The following CAMSAP2 variants were observed in gnomAD, a reference collection of about 807,000 sequenced individuals.
CAMSAP2 encodes the protein calmodulin regulated spectrin associated protein family member 2, also known as calmodulin-regulated spectrin-associated protein 2.
A neutral mutation model predicts 146.1 loss-of-function variants in CAMSAP2; 26 were observed. The ratio of observed to expected loss-of-function variants is 0.18; its 90% confidence interval spans 0.13 to 0.25. The LOEUF (loss-of-function observed/expected upper bound fraction) is 0.25, where lower values mean the gene tolerates loss of function less well. CAMSAP2 is among the 10% of genes least tolerant of loss of function. The pLI, the probability that CAMSAP2 is intolerant of heterozygous loss-of-function variation, is 1.00. For missense variants in CAMSAP2, 1,381 were observed against 1,759.3 expected (o/e 0.78, Z 3.85); for synonymous variants, 499 against 596.6 (o/e 0.84, Z 2.38).
At chr1:200,758,812 C>T (rs1664718406) in intron 1 of CAMSAP2, among the ~76,000 whole-genome samples, 1 of 152,110 alleles carries the variant, frequency 6.6e-6, no homozygotes, top group Admixed American at 6.5e-5. Context: ...CATCTTGACC[C>T]TCTTTCTTTG....
At chr1:200,833,575 A>G (rs1667100084) in intron 6 of CAMSAP2, among the ~76,000 whole-genome samples, 1 of 152,154 alleles carries the variant, frequency 6.6e-6, no homozygotes. Context: ...AAGAAAAAAA[A>G]AAGTCATGTA....
chr1:200,859,814 T>G lies in CAMSAP2; in HGVS notation c.*1755T>G, dbSNP rs1667835919. ...TATCACAGTTAGAAGGAAATGATAG[T>G]CAAATACACGTTTAGATTAAAACTA... On this transcript the variant is annotated 3_prime_UTR_variant, in exon 17 of 17. Coordinates refer to ENST00000358823, the MANE Select transcript of CAMSAP2 (RefSeq NM_203459.4). 6.6e-6 allele frequency: 1 copy of G among 152,384 alleles called. No individual in the cohort carries two copies. Among genetic ancestry groups the G allele is most frequent in the East Asian group, 1.9e-4 (1 of 5,314 alleles). 9.4% of individuals were successfully genotyped at this position (152,384 alleles called of 1,614,324 possible). A position where few individuals can be genotyped will look rare whatever the true frequency, so the allele number is the denominator to read the frequency against.
In CAMSAP2 at chr1:200,816,784, ATG is replaced by A. The variant is rs1245175326; in HGVS notation, c.645+1146_645+1147del. Among the ~76,000 whole-genome samples, 8 of 112,124 alleles carry A rather than the reference ATG, an allele frequency of 7.1e-5. 3 individuals carry two copies. Among genetic ancestry groups the A allele is most frequent in the African/African-American group, 2.8e-4 (8 of 28,428 alleles). 73.6% of individuals were successfully genotyped at this position (112,124 alleles called of 152,430 possible). A position where few individuals can be genotyped will look rare whatever the true frequency, so the allele number is the denominator to read the frequency against. On this transcript the variant is annotated intron_variant, in intron 4 of 16. Coordinates refer to ENST00000358823, the MANE Select transcript of CAMSAP2 (RefSeq NM_203459.4). ...TGTGTACACACACACGCGTGTATAT[ATG>A]TGTGTACACACACACGCGTGTATAT...
intron 7 of CAMSAP2, among the ~76,000 whole-genome samples, chr1:200,842,975 C>CAA (rs1210360243): frequency 4.5e-5 from 3 of 66,972 alleles, no homozygotes; most frequent in African/African-American, 1.2e-4. Context: ...GACACCATCT[C>CAA]AAAAAAAAAA....
chr1:200,751,196 C>T lies in CAMSAP2; in HGVS notation c.140-9643C>T, dbSNP rs146404541. Among the ~76,000 whole-genome samples the T allele has an allele frequency of 2.0e-3, 303 of 151,856 alleles. 1 individual carries two copies. Among genetic ancestry groups the T allele is most frequent in the African/African-American group, 7.0e-3 (292 of 41,422 alleles). On this transcript the variant is annotated intron_variant, in intron 1 of 16. Coordinates refer to ENST00000358823, the MANE Select transcript of CAMSAP2 (RefSeq NM_203459.4). ...GGGATTATAGGCATGAGCCGCCATA[C>T]CCAGCAATGTATATATAACGTGTGT...
rs1667058076 is a variant in CAMSAP2 at position 200,832,139 on chromosome 1, A to G, written c.646-61A>G. 2.2e-6 allele frequency: 3 copies of G among 1,365,558 alleles called. No homozygotes were observed. The highest frequency in any genetic ancestry group is 2.9e-5 in the African/African-American group (2 of 67,886). 84.6% of individuals were successfully genotyped at this position (1,365,558 alleles called of 1,614,324 possible). ...TGGTACATTAGAATTTACAGTACTG[A>G]TTTTTTTCCTATGCGTTATTTGGTA... On this transcript the variant is annotated intron_variant, in intron 4 of 16. Transcript: ENST00000358823. The surrounding 1 kb of genome is among the most constrained non-coding windows in gnomAD (Gnocchi z 4.2).
chr1:200,772,329 C>A (rs1398095527), intron 2 of CAMSAP2, among the ~76,000 whole-genome samples: 1 of 152,148 alleles, frequency 6.6e-6, no homozygotes, highest in Non-Finnish European at 1.5e-5. Context: ...CTAATGTAGG[C>A]TGGGCACAGT....
At position 200,806,743 on chromosome 1, in the gene CAMSAP2, TTG is replaced by T. The variant is rs138066870; in HGVS notation, c.400-611_400-610del. ...TGTTTTTTTTAGAACTTCCATATAA[TTG>T]TGTGTGTGTGTGTGTGTGTGTATCT... is the stretch of plus-strand genomic sequence containing the variant. On this transcript the variant is annotated intron_variant, in intron 2 of 16. Transcript: ENST00000358823. Among the ~76,000 whole-genome samples the T allele has an allele frequency of 6.8e-3, 987 of 145,084 alleles. 8 individuals carry two copies. The highest frequency in any genetic ancestry group is 0.014 in the Middle Eastern group (4 of 292).
chr1:200,824,602 C>T (rs1266779568), intron 4 of CAMSAP2, among the ~76,000 whole-genome samples: 1 of 152,132 alleles, frequency 6.6e-6, no homozygotes, highest in Non-Finnish European at 1.5e-5. Context: ...CTTCCAACAG[C>T]ATTAATATAT....
intron 1 of CAMSAP2, among the ~76,000 whole-genome samples, chr1:200,754,893 T>C (rs1300746352): frequency 2.6e-5 from 4 of 152,184 alleles, no homozygotes; most frequent in African/African-American, 9.7e-5. Context: ...AAAGAGCTTT[T>C]TTAATGTATT....
chr1:200,857,493 A>G lies in CAMSAP2; in HGVS notation c.4131+69A>G. ...GTCTTTTATCCATTCAAGAGAATGTACTCTCATGGGCCTAGACTTTCAACA... is the reference window on the plus strand; with the variant it reads ...GTCTTTTATCCATTCAAGAGAATGTGCTCTCATGGGCCTAGACTTTCAACA... On this transcript the variant is annotated intron_variant, in intron 16 of 16. Transcript: ENST00000358823. The surrounding 1 kb of genome is among the most constrained non-coding windows in gnomAD (Gnocchi z 4.7). 1 of 1,056,616 alleles carries G rather than the reference A, an allele frequency of 9.5e-7. No individual in the cohort carries two copies. Among genetic ancestry groups the G allele is most frequent in the Non-Finnish European group, 1.5e-6 (1 of 679,188 alleles). 65.5% of individuals were successfully genotyped at this position (1,056,616 alleles called of 1,614,324 possible).
chr1:200,826,445 G>T (rs928262074), intron 4 of CAMSAP2, among the ~76,000 whole-genome samples: 3 of 150,066 alleles, frequency 2.0e-5, no homozygotes, highest in Admixed American at 6.7e-5. Flanking sequence ...AAAAAAAAAA[G>T]ATTAAATCTA....
At chr1:200,816,369 G>C (rs995607698) in intron 4 of CAMSAP2, among the ~76,000 whole-genome samples, 2 of 151,114 alleles carry the variant, frequency 1.3e-5, no homozygotes, top group Non-Finnish European at 3.0e-5. Context: ...GAGACGGGCG[G>C]ATCACCTGAG....
At chr1:200,844,745 C>A in intron 7 of CAMSAP2, 37 bp from the exon 8 acceptor site, 1 of 1,214,262 alleles carries the variant, frequency 8.2e-7, no homozygotes, top group Non-Finnish European at 1.2e-6. Context: ...TAGAAATATG[C>A]TAATTTGAGG....
At chr1:200,841,871 T>C in intron 6 of CAMSAP2, 123 bp from the exon 7 acceptor site, 3 of 688,940 alleles carry the variant, frequency 4.4e-6, no homozygotes, top group Non-Finnish European at 7.6e-6. Flanking sequence ...TTTAATAGCC[T>C]ACTATAGTGA....
At chr1:200,814,424 T>C (rs990491342) in intron 3 of CAMSAP2, among the ~76,000 whole-genome samples, 1 of 151,514 alleles carries the variant, frequency 6.6e-6, no homozygotes, top group Non-Finnish European at 1.5e-5. Context: ...CTGGTCAACA[T>C]TGTGAAACCC....
intron 2 of CAMSAP2, among the ~76,000 whole-genome samples, chr1:200,782,622 G>T (rs1030740927): frequency 3.3e-5 from 5 of 151,990 alleles, no homozygotes; most frequent in Admixed American, 2.0e-4. Context: ...ATGTTGCTAT[G>T]TGTAGTTTAT....
chr1:200,830,069 G>A (rs1667003741), intron 4 of CAMSAP2, among the ~76,000 whole-genome samples: 1 of 152,230 alleles, frequency 6.6e-6, no homozygotes, highest in African/African-American at 2.4e-5. Context: ...GAAAGAAAGG[G>A]CATGTTTCCA....
rs562109955 is a variant in CAMSAP2, at chr1:200,849,926, C to T, written c.3157C>T (p.Arg1053Cys). ...GGAATCCAAAGGGACTTTGGAACAG[C>T]GTGGACATAATCCAGAAGAAAAGGA... The part of the protein sequence containing the change: ...ELESKGTLEQ[R>C]GHNPEEKEIK... Residue 1053 changes from arginine to cysteine, a missense_variant, in exon 11 of 17, where the codon CGT (arginine) becomes TGT (cysteine). Physicochemically the swap from Arg to Cys is radical, Grantham distance 180 (BLOSUM62 -3). Around this residue, in one of 4 missense-constraint regions of CAMSAP2, gnomAD observed 560 missense variants for 715.9 expected, o/e 0.78. Transcript: ENST00000358823. This position sits in a 1 kb window ranked among gnomAD's most constrained non-coding sequence, Gnocchi z 6.3. 1.7e-5 allele frequency: 28 copies of T among 1,614,078 alleles called. 1 individual carries two copies. The East Asian group carries it at 1.8e-4, about 10-fold the overall frequency.
Sources: gnomAD v4.1 joint callset for allele counts (sites outside exome capture counted in the v4.1 genomes callset) on GRCh38, gnomAD v4.1.1 for gene constraint, gnomAD v4.1.1 regional missense constraint, Gnocchi (gnomAD v3.1) non-coding constraint, MANE v1.5 for transcripts, NCBI Gene and HGNC (gene_info 2026-07-23, HGNC 2026-07-21) for gene names.